Variants in CCDC148 observed in about 807,000 individuals in gnomAD.
CCDC148 encodes coiled-coil domain containing 148.
CCDC148 carries 89 observed loss-of-function variants against 85.7 expected under a neutral mutation model. The ratio of observed to expected loss-of-function variants is 1.04; its 90% CI spans 0.87 to 1.24. CCDC148 has a LOEUF of 1.24. Among genes scored for constraint, CCDC148 ranks in the 50% most tolerant of loss-of-function variants. The pLI is 0.00. For synonymous variants in CCDC148, 230 were observed against 213.9 expected (o/e 1.08, Z -0.66); for missense variants, 692 against 671.7 (o/e 1.03, Z -0.33).
chr2:158,295,951 T>C (rs1691167940), intron 9 of CCDC148, among the ~76,000 whole-genome samples: 1 of 152,192 alleles, frequency 6.6e-6, no homozygotes, highest in Admixed American at 6.6e-5. Flanking sequence ...GTTTTCTTAT[T>C]AAGTTTCAAT....
At position 158,419,733 on chromosome 2, in the gene CCDC148, G is replaced by T. The variant is rs191355537; in HGVS notation, c.25+36682C>A. 6.6e-5 allele frequency among the ~76,000 whole-genome samples: 10 copies of T among 152,230 alleles called. 1 individual carries two copies. Among genetic ancestry groups the T allele is most frequent in the Admixed American group, 5.2e-4 (8 of 15,262 alleles). On this transcript the variant is annotated intron_variant, in intron 1 of 13. Coordinates refer to ENST00000283233, the MANE Select transcript of CCDC148 (RefSeq NM_138803.4). ...AATCAGGAGTATGTGTGAGAAAGGG[G>T]ATAGATGTCAGAACTACCTCTACAA...
intron 1 of CCDC148, among the ~76,000 whole-genome samples, chr2:158,412,210 G>A (rs1686292332): frequency 6.6e-6 from 1 of 152,166 alleles, no homozygotes; most frequent in African/African-American, 2.4e-5. Flanking sequence ...TGGCCTAGGT[G>A]ATGGGATAAC....
intron 9 of CCDC148, among the ~76,000 whole-genome samples, chr2:158,307,420 A>G (rs1282655498): frequency 6.6e-6 from 1 of 152,136 alleles, no homozygotes; most frequent in Non-Finnish European, 1.5e-5. Context: ...AGCAATACCA[A>G]TGTTGGGGAA....
chr2:158,284,963 C>A (rs1458214766), intron 9 of CCDC148, among the ~76,000 whole-genome samples: 1 of 152,066 alleles, frequency 6.6e-6, no homozygotes, highest in Non-Finnish European at 1.5e-5. Flanking sequence ...AAGCAAATAT[C>A]AATTCCAAAA....
At chr2:158,270,152 T>C (rs549250962) in intron 9 of CCDC148, among the ~76,000 whole-genome samples, 2 of 152,310 alleles carry the variant, frequency 1.3e-5, no homozygotes, top group African/African-American at 4.8e-5. Flanking sequence ...TTTAGACTTA[T>C]TGAAAAGCAA....
At chr2:158,229,942 A>G (rs963142411) in intron 10 of CCDC148, among the ~76,000 whole-genome samples, 3 of 152,120 alleles carry the variant, frequency 2.0e-5, no homozygotes, top group African/African-American at 4.8e-5. Context: ...CACATCTTCT[A>G]TTTCACTCCT....
chr2:158,362,111 A>C (rs1022485960), intron 1 of CCDC148, among the ~76,000 whole-genome samples: 1 of 152,176 alleles, frequency 6.6e-6, no homozygotes, highest in African/African-American at 2.4e-5. Flanking sequence ...GGATCAATGG[A>C]ACAAGAAGAG....
In CCDC148 at chr2:158,196,922, T is replaced by A. The variant is rs548699461; in HGVS notation, c.1371-17926A>T. ...AAATATCTGTAATTTAAGCCCACCT[T>A]AGTATCTACTAAAACACTGGAAGGT... On this transcript the variant is annotated intron_variant, in intron 11 of 13. Transcript: ENST00000283233. Among the ~76,000 whole-genome samples the A allele has an allele frequency of 3.3e-5, 5 of 152,314 alleles. No individual in the cohort carries two copies. In the South Asian group the frequency reaches 1.0e-3, roughly 32 times the overall value.
chr2:158,235,943 C>T (rs1688085929), intron 10 of CCDC148: 1 of 152,272 alleles, frequency 6.6e-6, no homozygotes, highest in Non-Finnish European at 1.5e-5. Context: ...TATCCAAACC[C>T]CACACCTCTC....
At chr2:158,446,350 C>A (rs1023989615) in intron 1 of CCDC148, among the ~76,000 whole-genome samples, 7 of 146,200 alleles carry the variant, frequency 4.8e-5, no homozygotes, top group African/African-American at 5.1e-5. Context: ...GAACTTGTCT[C>A]AAAAAAAAAA....
chr2:158,373,321 T>C (rs775699067), intron 1 of CCDC148, among the ~76,000 whole-genome samples: 107 of 152,074 alleles, frequency 7.0e-4, no homozygotes, highest in Non-Finnish European at 4.9e-4. Context: ...TGCTGTTATT[T>C]TGGATGTCTG....
chr2:158,387,427 G>C (rs75980615), intron 1 of CCDC148, among the ~76,000 whole-genome samples: 8,736 of 152,058 alleles, frequency 0.057, 464 homozygotes, highest in African/African-American at 0.14. Context: ...AAGTCCAGCT[G>C]CCGTTAACTT....
chr2:158,197,385 C>T (rs1490182711), intron 11 of CCDC148, among the ~76,000 whole-genome samples: 2 of 152,016 alleles, frequency 1.3e-5, no homozygotes, highest in Non-Finnish European at 2.9e-5. Flanking sequence ...TCTGAGTTGT[C>T]CCCACAAACA....
chr2:158,417,374 G>C (rs1441355323), intron 1 of CCDC148, among the ~76,000 whole-genome samples: 1 of 152,230 alleles, frequency 6.6e-6, no homozygotes, highest in Non-Finnish European at 1.5e-5. Context: ...GAGCTGAGCT[G>C]ATGGACAGCC....
At chr2:158,309,033 C>A (rs1055506725) in intron 9 of CCDC148, among the ~76,000 whole-genome samples, 1 of 152,190 alleles carries the variant, frequency 6.6e-6, no homozygotes. Context: ...TAAAGCCTCT[C>A]TTCTCCTCCT....
intron 9 of CCDC148, among the ~76,000 whole-genome samples, chr2:158,303,792 T>C (rs879535143): frequency 2.6e-5 from 4 of 152,178 alleles, no homozygotes; most frequent in Non-Finnish European, 5.9e-5. Flanking sequence ...GGAGGCTACA[T>C]TTTATGTTGT....
chr2:158,296,923 T>C (rs1187394275), intron 9 of CCDC148, among the ~76,000 whole-genome samples: 1 of 152,198 alleles, frequency 6.6e-6, no homozygotes, highest in Non-Finnish European at 1.5e-5. Context: ...CAAAAATCAC[T>C]CTGGCACTGA....
intron 11 of CCDC148, among the ~76,000 whole-genome samples, chr2:158,192,531 C>T (rs999543129): frequency 6.6e-6 from 1 of 152,022 alleles, no homozygotes; most frequent in Non-Finnish European, 1.5e-5. Flanking sequence ...TTTACAATGG[C>T]CAAGCGTTGG....
intron 7 of CCDC148, among the ~76,000 whole-genome samples, chr2:158,331,098 G>A (rs982619317): frequency 1.3e-5 from 2 of 152,150 alleles, no homozygotes; most frequent in Admixed American, 6.6e-5. Flanking sequence ...TAATTGTGAT[G>A]TTAGGGTGCC....
Sources: allele counts gnomAD v4.1 joint callset (sites outside exome capture counted in the v4.1 genomes callset), GRCh38; gene constraint gnomAD v4.1.1; transcripts MANE v1.5; gene names NCBI Gene and HGNC (gene_info 2026-07-23, HGNC 2026-07-21).